Variants in IPO11 observed in about 807,000 individuals in gnomAD.
IPO11 encodes the protein importin-11.
In IPO11, 66 loss-of-function variants were observed where a neutral mutation model predicts 143.2. The observed-to-expected ratio is 0.46, with a 90% CI of 0.38 to 0.57. IPO11 has a LOEUF of 0.57. IPO11 is among the 20% of genes least tolerant of loss of function. IPO11 has a pLI of 0.00. For synonymous variants in IPO11, 385 were observed against 377.8 expected, an observed-to-expected ratio of 1.02 and a Z score of -0.22; for missense variants, 1,026 against 1,141.0, an observed-to-expected ratio of 0.90 and a Z score of 1.45.
At chr5:62,504,836 G>A (rs1406869378) in intron 17 of IPO11, 22 bp from the exon 18 acceptor site, 3 of 1,505,824 alleles carry the variant, frequency 2.0e-6, no homozygotes, top group Middle Eastern at 3.5e-4. Context: ...TATATTCTCA[G>A]TATTCCTTAA....
chr5:62,466,599 T>G (rs1448474230), intron 5 of IPO11, among the ~76,000 whole-genome samples: 1 of 152,152 alleles, frequency 6.6e-6, no homozygotes, highest in Non-Finnish European at 1.5e-5. Flanking sequence ...ATTCTTAATG[T>G]GAGGGTCAGG....
In IPO11 at chr5:62,437,422, G is replaced by A. The variant is rs758014647; in HGVS notation, c.138+5G>A. 4.4e-6 allele frequency: 7 copies of A among 1,596,358 alleles called. No homozygotes were observed. The highest frequency in any genetic ancestry group is 6.0e-6 in the Non-Finnish European group (7 of 1,174,026). On this transcript the variant is annotated splice_donor_5th_base_variant and intron_variant, in intron 2 of 29. Coordinates refer to ENST00000325324, the MANE Select transcript of IPO11 (RefSeq NM_016338.5). The stretch of plus-strand genomic sequence containing the variant: ...GGTTTCTATTCAGTGTTGCTGGTAA[G>A]TTGTTCTAAAATTGTTTGCTTTTCT...
intron 29 of IPO11, among the ~76,000 whole-genome samples, chr5:62,623,890 A>G (rs978974667): frequency 1.3e-5 from 2 of 151,090 alleles, no homozygotes; most frequent in Non-Finnish European, 3.0e-5. Flanking sequence ...TCCAAAGTGC[A>G]GGGATTACAG....
At chr5:62,619,883 C>T (rs1336992773) in intron 29 of IPO11, among the ~76,000 whole-genome samples, 2 of 151,764 alleles carry the variant, frequency 1.3e-5, no homozygotes, top group East Asian at 1.9e-4. Context: ...ACTGCACAAA[C>T]ATACCACTGG....
At chr5:62,538,129 C>G (rs550252094) in intron 24 of IPO11, among the ~76,000 whole-genome samples, 13 of 152,246 alleles carry the variant, frequency 8.5e-5, no homozygotes, top group Admixed American at 5.2e-4. Context: ...AACAAAGTAG[C>G]ATTATGGTGT....
At chr5:62,537,995 A>C (rs1197894278) in intron 24 of IPO11, among the ~76,000 whole-genome samples, 2 of 152,212 alleles carry the variant, frequency 1.3e-5, no homozygotes, top group African/African-American at 2.4e-5. Flanking sequence ...CACGTTGTGC[A>C]CATGTACCCT....
chr5:62,455,288 G>C (rs1412957416), intron 5 of IPO11, among the ~76,000 whole-genome samples: 1 of 152,212 alleles, frequency 6.6e-6, no homozygotes, highest in African/African-American at 2.4e-5. Context: ...GGGAGGCCGT[G>C]GTGGGCAGAT....
At chr5:62,498,398 T>C (rs1741230865) in intron 16 of IPO11, among the ~76,000 whole-genome samples, 1 of 152,210 alleles carries the variant, frequency 6.6e-6, no homozygotes, top group African/African-American at 2.4e-5. Context: ...AGAGTGCTTA[T>C]GACAACTTCT....
intron 24 of IPO11, 152 bp from the exon 25 acceptor site, chr5:62,550,215 G>A: frequency 1.8e-6 from 1 of 542,832 alleles, no homozygotes; most frequent in East Asian, 2.9e-5. Flanking sequence ...GTAAAAGTGT[G>A]TCTAGTGTCA....
At chr5:62,570,643 C>G (rs1050443672) in intron 27 of IPO11, among the ~76,000 whole-genome samples, 1 of 151,966 alleles carries the variant, frequency 6.6e-6, no homozygotes, top group African/African-American at 2.4e-5. Flanking sequence ...ATCTCCTGTC[C>G]TGACTATTTA....
intron 29 of IPO11, among the ~76,000 whole-genome samples, chr5:62,604,579 C>G (rs1745632968): frequency 6.6e-6 from 1 of 152,098 alleles, no homozygotes; most frequent in Non-Finnish European, 1.5e-5. Context: ...TAAGTATAGC[C>G]TAACATTTGT....
chr5:62,480,423 CT>C (rs1369314488), intron 9 of IPO11, among the ~76,000 whole-genome samples: 3 of 151,852 alleles, frequency 2.0e-5, no homozygotes, highest in African/African-American at 4.8e-5. Flanking sequence ...GCAATGCGGG[CT>C]TTTTTTTGGT....
At chr5:62,513,839 G>T (rs1386704494) in intron 19 of IPO11, among the ~76,000 whole-genome samples, 1 of 149,324 alleles carries the variant, frequency 6.7e-6, no homozygotes, top group Non-Finnish European at 1.5e-5. Flanking sequence ...CTCAGACGGG[G>T]CGGTTGCCAG....
intron 1 of IPO11, among the ~76,000 whole-genome samples, chr5:62,434,172 C>T (rs149946926): frequency 1.9e-3 from 284 of 152,232 alleles, no homozygotes; most frequent in African/African-American, 6.3e-3. Context: ...TTGTTTTCCC[C>T]GTCTGAAGCT....
intron 29 of IPO11, among the ~76,000 whole-genome samples, chr5:62,614,350 G>T (rs1486943473): frequency 6.6e-6 from 1 of 152,220 alleles, no homozygotes; most frequent in African/African-American, 2.4e-5. Context: ...AGAGGAGGAA[G>T]GATCTTTGTT....
At chr5:62,494,679 A>G (rs762399140) in intron 16 of IPO11, among the ~76,000 whole-genome samples, 8 of 152,144 alleles carry the variant, frequency 5.3e-5, no homozygotes, top group Non-Finnish European at 1.0e-4. Flanking sequence ...AAATAGTAGT[A>G]GTAATTTTAC....
At chr5:62,510,808 T>G (rs889956598) in intron 19 of IPO11, among the ~76,000 whole-genome samples, 1 of 152,162 alleles carries the variant, frequency 6.6e-6, no homozygotes, top group African/African-American at 2.4e-5. Flanking sequence ...CTCTCTTGGC[T>G]TACTGCAGCC....
chr5:62,496,697 A>C (rs544197170), intron 16 of IPO11, among the ~76,000 whole-genome samples: 3 of 152,348 alleles, frequency 2.0e-5, no homozygotes, highest in Non-Finnish European at 4.4e-5. Flanking sequence ...ACATGTATGT[A>C]TATATATGCA....
intron 24 of IPO11, among the ~76,000 whole-genome samples, chr5:62,540,870 A>G (rs567450606): frequency 6.6e-6 from 1 of 152,364 alleles, no homozygotes; most frequent in South Asian, 2.1e-4. Context: ...ATGGGGGGAA[A>G]TAGGCTACTA....
Sources: gnomAD v4.1 joint callset for allele counts (sites outside exome capture counted in the v4.1 genomes callset) on GRCh38, gnomAD v4.1.1 for gene constraint, MANE v1.5 for transcripts, NCBI Gene and HGNC (gene_info 2026-07-23, HGNC 2026-07-21) for gene names.